Variants in WDR75 observed in about 807,000 individuals in gnomAD.
WDR75 encodes the protein WD repeat domain 75.
A neutral mutation model predicts 106.1 loss-of-function variants in WDR75; 52 were observed. That is an observed-to-expected ratio of 0.49 (90% CI 0.39 to 0.62). WDR75 has a LOEUF of 0.62. Among genes scored for constraint, WDR75 ranks in the 20% least tolerant of loss-of-function variants. The pLI is 0.00. For missense variants in WDR75, 905 were observed against 970.3 expected, an observed-to-expected ratio of 0.93 and a Z score of 0.89; for synonymous variants, 333 against 335.5, an observed-to-expected ratio of 0.99 and a Z score of 0.08.
chr2:189,458,954 C>T, intron 7 of WDR75, 82 bp downstream of exon 7: 1 of 1,405,268 alleles, frequency 7.1e-7, no homozygotes, highest in African/African-American at 1.5e-5. Flanking sequence ...TCTCTGGGTC[C>T]CAAGAAACAG....
chr2:189,449,253 A>C (rs1027720100), intron 2 of WDR75: 34 of 1,303,382 alleles, frequency 2.6e-5, no homozygotes, highest in Non-Finnish European at 3.3e-5. Flanking sequence ...AGTCACAGCC[A>C]ACTTGGAAGT....
At chr2:189,473,129 A>T (rs1436407152) in intron 18 of WDR75, among the ~76,000 whole-genome samples, 6 of 152,208 alleles carry the variant, frequency 3.9e-5, no homozygotes, top group African/African-American at 1.4e-4. Flanking sequence ...AGGCAGGAGA[A>T]TCACTGGAAC....
At chr2:189,447,319 C>G (rs1223908054) in intron 1 of WDR75, among the ~76,000 whole-genome samples, 1 of 152,216 alleles carries the variant, frequency 6.6e-6, no homozygotes, top group Non-Finnish European at 1.5e-5. Context: ...TTAGTAGCTG[C>G]TGCTACATGG....
At chr2:189,474,112 A>G in intron 18 of WDR75, 74 bp from the exon 19 acceptor site, 1 of 1,439,894 alleles carries the variant, frequency 6.9e-7, no homozygotes, top group South Asian at 1.3e-5. Context: ...ATGATTCTGT[A>G]GTACTTACTG....
chr2:189,465,193 GAA>G lies in WDR75; in HGVS notation c.1231_1232del (p.Lys411GlyfsTer3). On this transcript the variant is annotated frameshift_variant, in exon 12 of 21. Transcript: ENST00000314761. LOFTEE classifies it high-confidence loss of function. ...GCTTGCAACAGTGGAACAGCGGCAAGAAAAGGAAACTGAGCTTGAATTGCAAA... is the reference window on the plus strand; with the variant it reads ...GCTTGCAACAGTGGAACAGCGGCAAGAAGGAAACTGAGCTTGAATTGCAAA... Reference protein sequence around the residue: ...NWLATVEQRQEKETELELQMK... With the variant: ...NWLATVEQRQXKETELELQMK... 2 of 1,613,220 alleles carry G rather than the reference GAA, an allele frequency of 1.2e-6. No individual in the cohort carries two copies. The highest frequency in any genetic ancestry group is 1.7e-6 in the Non-Finnish European group (2 of 1,179,386).
At chr2:189,450,545 G>C (rs1686596627) in intron 2 of WDR75, 1 of 1,027,702 alleles carries the variant, frequency 9.7e-7, no homozygotes, top group African/African-American at 1.7e-5. Context: ...TCGAACTCCT[G>C]GCCTCAAGTG....
intron 9 of WDR75, among the ~76,000 whole-genome samples, chr2:189,463,277 C>T (rs887170683): frequency 1.3e-5 from 2 of 152,116 alleles, no homozygotes; most frequent in African/African-American, 4.8e-5. Flanking sequence ...CTGATAAAAA[C>T]TTAAAGACTC....
chr2:189,451,949 CA>C, intron 4 of WDR75, 54 bp downstream of exon 4: 1 of 1,404,658 alleles, frequency 7.1e-7, no homozygotes, highest in African/African-American at 1.4e-5. Context: ...TTACATTTTA[CA>C]GTTCCTCAAA....
At chr2:189,450,349 TTTG>T in intron 2 of WDR75, 1 of 934,522 alleles carries the variant, frequency 1.1e-6, no homozygotes, top group East Asian at 1.4e-4. Context: ...GTGTTTTTGT[TTTG>T]TTTTGTTTGG....
At chr2:189,444,827 G>A (rs1288790350) in intron 1 of WDR75, among the ~76,000 whole-genome samples, 1 of 152,022 alleles carries the variant, frequency 6.6e-6, no homozygotes, top group African/African-American at 2.4e-5. Flanking sequence ...CACTTTGCTT[G>A]TCAGATAAGT....
chr2:189,443,073 G>A (rs1686420219), intron 1 of WDR75, among the ~76,000 whole-genome samples: 1 of 152,170 alleles, frequency 6.6e-6, no homozygotes, highest in African/African-American at 2.4e-5. Flanking sequence ...ACATGCTGCA[G>A]TGACAAAAAC....
Position 189,475,472 on chromosome 2 carries a change from T to C in WDR75, c.*55T>C. On this transcript the variant is annotated 3_prime_UTR_variant, in exon 21 of 21. Coordinates refer to ENST00000314761, the MANE Select transcript of WDR75 (RefSeq NM_032168.3). ...TTGTGTTTTTGATTGTATGTTGATA[T>C]TCTAAAAACATCTATTTTAATGTTA... 1 of 1,009,330 alleles carries C rather than the reference T, an allele frequency of 9.9e-7. No homozygotes were observed. The highest frequency in any genetic ancestry group is 1.5e-6 in the Non-Finnish European group (1 of 686,434). 62.5% of individuals were successfully genotyped at this position (1,009,330 alleles called of 1,614,324 possible).
rs750190252 is a variant in WDR75 at position 189,474,144 on chromosome 2, C to T, written c.2050-42C>T. ...ACTGTTAAGTCAAACACAGTTCTTC[C>T]TTTTTTCTGAAATAATTTCTCTTTG... On this transcript the variant is annotated intron_variant, in intron 18 of 20. Coordinates refer to ENST00000314761, the MANE Select transcript of WDR75 (RefSeq NM_032168.3). The T allele has an allele frequency of 2.5e-6, 4 of 1,580,860 alleles. No individual in the cohort carries two copies. The South Asian group carries it at 4.7e-5, about 19-fold the overall frequency.
intron 12 of WDR75, 60 bp downstream of exon 12, chr2:189,465,314 A>G (rs1251217950): frequency 6.7e-7 from 1 of 1,486,408 alleles, no homozygotes; most frequent in Admixed American, 2.1e-5. Flanking sequence ...TTCCCATTTT[A>G]CAGTTTCAAT....
intron 4 of WDR75, among the ~76,000 whole-genome samples, chr2:189,455,014 G>A (rs376205326): frequency 6.6e-6 from 1 of 152,222 alleles, no homozygotes; most frequent in African/African-American, 2.4e-5. Context: ...GGCAAGATGG[G>A]TGGATCACTT....
At chr2:189,445,819 C>G (rs1428114375) in intron 1 of WDR75, among the ~76,000 whole-genome samples, 1 of 152,088 alleles carries the variant, frequency 6.6e-6, no homozygotes, top group African/African-American at 2.4e-5. Context: ...AAAAAATAAG[C>G]TTACTCTTAG....
chr2:189,474,480 C>T (rs1687173540), intron 19 of WDR75, 148 bp downstream of exon 19: 1 of 1,049,096 alleles, frequency 9.5e-7, no homozygotes, highest in South Asian at 1.7e-5. Flanking sequence ...GTAACTTAAC[C>T]TTGTGATCTG....
chr2:189,463,972 G>T lies in WDR75; in HGVS notation c.1113+11G>T. 1 of 1,603,518 alleles carries T rather than the reference G, an allele frequency of 6.2e-7. No homozygotes were observed. The highest frequency in any genetic ancestry group is 1.1e-5 in the South Asian group (1 of 90,388). On this transcript the variant is annotated intron_variant, in intron 11 of 20. Coordinates refer to ENST00000314761, the MANE Select transcript of WDR75 (RefSeq NM_032168.3). ...AAACAGTTATACAATGTAAGATTTT[G>T]ATCATTAGCCTTGAAATTAATGAAA...
intron 2 of WDR75, 82 bp from the exon 3 acceptor site, chr2:189,450,821 C>G: frequency 5.7e-6 from 9 of 1,571,520 alleles, no homozygotes; most frequent in Non-Finnish European, 6.8e-6. Context: ...GAAAATGCCC[C>G]TGATCAACAT....
Sources: gnomAD v4.1 joint callset for allele counts (sites outside exome capture counted in the v4.1 genomes callset) on GRCh38, gnomAD v4.1.1 for gene constraint, MANE v1.5 for transcripts, NCBI Gene and HGNC (gene_info 2026-07-23, HGNC 2026-07-21) for gene names.